The following CARS2 variants were observed in gnomAD, a reference collection of about 807,000 sequenced individuals.
CARS2 encodes the protein cysteinyl-tRNA synthetase 2, mitochondrial, also known as probable cysteine--tRNA ligase, mitochondrial.
Under a neutral mutation model 68.8 loss-of-function variants are expected in CARS2, and 52 were observed. The observed-to-expected ratio is 0.76, with a 90% CI of 0.61 to 0.95. The LOEUF (loss-of-function observed/expected upper bound fraction) is 0.95, where lower values mean the gene tolerates loss of function less well. Among genes scored for constraint, CARS2 ranks in the 40% least tolerant of loss-of-function variants. CARS2 has a pLI of 0.00. For synonymous variants in CARS2, 314 were observed against 303.6 expected, an observed-to-expected ratio of 1.03 and a Z score of -0.36; for missense variants, 780 against 754.2, an observed-to-expected ratio of 1.03 and a Z score of -0.40.
chr13:110,647,089 C>G lies in CARS2; in HGVS notation c.1193+12G>C. On this transcript the variant is annotated intron_variant, in intron 11 of 14. Transcript: ENST00000257347. ...GAGGGGTGCCACGCCGGGTGCTAGG[C>G]GGGCCTCTTACCTCTCCCACAGCAT... The G allele has an allele frequency of 6.4e-7, 1 of 1,563,962 alleles. No individual in the cohort carries two copies.
chr13:110,683,631 C>T (rs2063215689), intron 5 of CARS2, among the ~76,000 whole-genome samples: 1 of 152,178 alleles, frequency 6.6e-6, no homozygotes, highest in Non-Finnish European at 1.5e-5. Flanking sequence ...CTAACAAAGA[C>T]ACTCTTTCTT....
intron 2 of CARS2, among the ~76,000 whole-genome samples, chr13:110,704,650 G>C (rs1349612690): frequency 3.3e-5 from 5 of 152,108 alleles, no homozygotes; most frequent in Non-Finnish European, 7.4e-5. Flanking sequence ...CTGCCAGGAG[G>C]CGGCAACTGG....
intron 9 of CARS2, among the ~76,000 whole-genome samples, chr13:110,662,341 C>T (rs535695893): frequency 7.8e-6 from 1 of 127,412 alleles, no homozygotes; most frequent in Admixed American, 8.5e-5. Flanking sequence ...CTGCGTCATG[C>T]AACCCCATGG....
intron 1 of CARS2, chr13:110,713,037 G>A: frequency 1.4e-6 from 2 of 1,479,088 alleles, no homozygotes; most frequent in Non-Finnish European, 1.8e-6. Context: ...GTGCCAGTGC[G>A]CATGCGCCGC....
rs938858276 is a variant in CARS2, at chr13:110,706,073, G to T, written c.21C>A (p.Gly7=). 3.7e-6 allele frequency: 5 copies of T among 1,342,686 alleles called. No individual in the cohort carries two copies. The highest frequency in any genetic ancestry group is 4.8e-6 in the Non-Finnish European group (5 of 1,048,318). The allele number at this position is 1,342,686 out of a possible 1,614,324, so 83.2% of individuals were successfully genotyped here. The change falls in exon 1 of 15, where the codon GGC becomes GGA. Residue 7 remains glycine, a synonymous_variant. Coordinates refer to ENST00000257347, the MANE Select transcript of CARS2 (RefSeq NM_024537.4). ...GGAGCAGCGGGGGGCCCAGGCCTGG[G>T]CCGCGCGTAGTCCTCAACATGTCAG... The part of the protein sequence containing the change: MLRTTR[G]PGLGPPLLQA...
At position 110,665,205 on chromosome 13, in the gene CARS2, G is replaced by T; in HGVS notation, c.920-1687C>A. 1 of 965,888 alleles carries T rather than the reference G, an allele frequency of 1.0e-6. No individual in the cohort carries two copies. The highest frequency in any genetic ancestry group is 1.2e-6 in the Non-Finnish European group (1 of 812,064). 59.8% of individuals were successfully genotyped at this position (965,888 alleles called of 1,614,324 possible). On this transcript the variant is annotated intron_variant, in intron 8 of 14. Coordinates refer to ENST00000257347, the MANE Select transcript of CARS2 (RefSeq NM_024537.4). The surrounding 1 kb of genome is among the most constrained non-coding windows in gnomAD (Gnocchi z 4.3). ...CTCACGCCTATAATCCCAGCACTTTGGGAGGCAGAGGTGGCAGATCACTTG... is the reference window on the plus strand; with the variant it reads ...CTCACGCCTATAATCCCAGCACTTTTGGAGGCAGAGGTGGCAGATCACTTG...
chr13:110,686,122 C>T (rs1017499139), intron 5 of CARS2, among the ~76,000 whole-genome samples: 2 of 151,968 alleles, frequency 1.3e-5, no homozygotes, highest in African/African-American at 2.4e-5. Flanking sequence ...AGAGAGGACA[C>T]GCGAAGCTAG....
At chr13:110,691,127 T>G (rs2063448695) in intron 3 of CARS2, among the ~76,000 whole-genome samples, 1 of 152,232 alleles carries the variant, frequency 6.6e-6, no homozygotes. Flanking sequence ...GCGATGCTCC[T>G]GTCTCAGCCT....
intron 3 of CARS2, among the ~76,000 whole-genome samples, chr13:110,698,717 T>C (rs2063696473): frequency 6.7e-6 from 1 of 149,210 alleles, no homozygotes; most frequent in African/African-American, 2.5e-5. Context: ...TTAAAAGGGC[T>C]TTCCGGCCAG....
chr13:110,707,489 A>C (rs1463726093), upstream of CARS2: 1 of 152,112 alleles, frequency 6.6e-6, no homozygotes, highest in Non-Finnish European at 1.5e-5. Flanking sequence ...TCTACTAAAA[A>C]TACACAAATT....
At chr13:110,673,241 C>T (rs2062850958) in intron 7 of CARS2, among the ~76,000 whole-genome samples, 1 of 152,180 alleles carries the variant, frequency 6.6e-6, no homozygotes, top group African/African-American at 2.4e-5. Context: ...ATACCAAAAC[C>T]TGGCAGAGAC....
rs4238278 is a variant in CARS2 at position 110,667,009 on chromosome 13, C to T, written c.919+331G>A. ...AGATGGCAGAGATGTCTAGTGACAA[C>T]ATTATAGCTTCAGAAAGGATGTTCA... is the stretch of plus-strand genomic sequence containing the variant. On this transcript the variant is annotated intron_variant, in intron 8 of 14. Coordinates refer to ENST00000257347, the MANE Select transcript of CARS2 (RefSeq NM_024537.4). 0.83 allele frequency: 753,405 copies of T among 910,230 alleles called. 313,159 individuals carry two copies. The highest frequency in any genetic ancestry group is 0.85 in the East Asian group (7,123 of 8,382). 56.4% of individuals were successfully genotyped at this position (910,230 alleles called of 1,614,324 possible). A position where few individuals can be genotyped will look rare whatever the true frequency, so the allele number is the denominator to read the frequency against.
chr13:110,682,128 A>C (rs2063175332), intron 6 of CARS2, among the ~76,000 whole-genome samples: 1 of 152,100 alleles, frequency 6.6e-6, no homozygotes, highest in Non-Finnish European at 1.5e-5. Flanking sequence ...GGCGGTGTGG[A>C]GGGTAGCAGG....
At chr13:110,667,255 G>A (rs1193668806) in intron 8 of CARS2, 85 bp downstream of exon 8, 5 of 1,235,274 alleles carry the variant, frequency 4.0e-6, no homozygotes, top group Middle Eastern at 3.8e-4. Flanking sequence ...GATCTACTAT[G>A]TATTTCCAAA....
chr13:110,642,156 G>A (rs190426898), intron 14 of CARS2, among the ~76,000 whole-genome samples, 159 bp downstream of exon 14: 14 of 152,278 alleles, frequency 9.2e-5, no homozygotes, highest in Non-Finnish European at 1.6e-4. Flanking sequence ...GTGGTGAGCC[G>A]AGATCACGCC....
chr13:110,703,749 C>T (rs1373938108), intron 2 of CARS2, among the ~76,000 whole-genome samples: 3 of 152,226 alleles, frequency 2.0e-5, no homozygotes, highest in Non-Finnish European at 4.4e-5. Context: ...AGGAAAATAA[C>T]GCCCCGTTTC....
Position 110,666,474 on chromosome 13 carries a change from C to A in CARS2, c.919+866G>T, listed in dbSNP as rs2062651750. The A allele has an allele frequency of 4.1e-6, 4 of 985,218 alleles. No individual in the cohort carries two copies. In the South Asian group the frequency reaches 1.4e-4, roughly 35 times the overall value. The allele number at this position is 985,218 out of a possible 1,614,324, so 61.0% of individuals were successfully genotyped here. On this transcript the variant is annotated intron_variant, in intron 8 of 14. Transcript: ENST00000257347. ...GTAGGTAATGGTAGGGGCAGAGCCG[C>A]CTGCTGGGTTCCCCGACTCAACAGG...
chr13:110,654,933 AAAG>A (rs1162454521), intron 9 of CARS2, among the ~76,000 whole-genome samples: 57 of 131,216 alleles, frequency 4.3e-4, no homozygotes, highest in African/African-American at 2.0e-3. Context: ...AAAAAAAAAA[AAAG>A]AAAAAGAAAA....
At position 110,705,631 on chromosome 13, in the gene CARS2, C is replaced by T. The variant is rs756979930; in HGVS notation, c.225-60G>A. The T allele has an allele frequency of 2.0e-6, 3 of 1,530,092 alleles. No individual in the cohort carries two copies. Among genetic ancestry groups the T allele is most frequent in the African/African-American group, 1.4e-5 (1 of 73,230 alleles). 94.8% of individuals were successfully genotyped at this position (1,530,092 alleles called of 1,614,324 possible). ...TATTTGCAAGAAAGGACATTCGATT[C>T]TGAGTTATAATGATCATATAATTTT... On this transcript the variant is annotated intron_variant, in intron 1 of 14. Coordinates refer to ENST00000257347, the MANE Select transcript of CARS2 (RefSeq NM_024537.4). The surrounding 1 kb of genome is among the most constrained non-coding windows in gnomAD (Gnocchi z 4.0).
Sources: gnomAD v4.1 joint callset for allele counts (sites outside exome capture counted in the v4.1 genomes callset) on GRCh38, gnomAD v4.1.1 for gene constraint, Gnocchi (gnomAD v3.1) non-coding constraint, MANE v1.5 for transcripts, NCBI Gene and HGNC (gene_info 2026-07-23, HGNC 2026-07-21) for gene names.